The following GALNT6 variants were observed in gnomAD, a reference collection of about 807,000 sequenced individuals.
GALNT6 encodes the protein GalNAc transferase 6.
Under a neutral mutation model 65.9 loss-of-function variants are expected in GALNT6, and 51 were observed. The ratio of observed to expected loss-of-function variants is 0.77; its 90% CI spans 0.62 to 0.98. The LOEUF is 0.98. Ranked by LOEUF, GALNT6 falls within the 50% of genes least tolerant of loss-of-function variation. The pLI is 0.00. For missense variants in GALNT6, 708 were observed against 803.3 expected, an observed-to-expected ratio of 0.88 and a Z score of 1.43; for synonymous variants, 323 against 315.1, an observed-to-expected ratio of 1.02 and a Z score of -0.26.
chr12:51,381,560 C>T (rs1365288449), intron 2 of GALNT6, among the ~76,000 whole-genome samples: 1 of 152,224 alleles, frequency 6.6e-6, no homozygotes, highest in African/African-American at 2.4e-5. Flanking sequence ...TCCTTCCCCA[C>T]AAAATTCATG....
intron 4 of GALNT6, among the ~76,000 whole-genome samples, chr12:51,366,902 T>C (rs58448629): frequency 0.027 from 4,151 of 152,282 alleles, 162 homozygotes; most frequent in East Asian, 0.13. Context: ...CCAAGGCAGA[T>C]GGATCACTTG....
intron 8 of GALNT6, 106 bp downstream of exon 8, chr12:51,359,026 G>A (rs1043077808): frequency 3.5e-5 from 30 of 855,350 alleles, no homozygotes; most frequent in South Asian, 1.8e-4. Flanking sequence ...GAAGGGAGGC[G>A]CCAGATGGTA....
At chr12:51,361,979 G>A (rs1411222662) in intron 6 of GALNT6, among the ~76,000 whole-genome samples, 1 of 152,086 alleles carries the variant, frequency 6.6e-6, no homozygotes, top group African/African-American at 2.4e-5. Flanking sequence ...TGACCCTGGT[G>A]TTACCCTGTG....
intron 10 of GALNT6, among the ~76,000 whole-genome samples, chr12:51,356,399 G>T (rs951669932): frequency 8.5e-6 from 1 of 117,310 alleles, no homozygotes; most frequent in African/African-American, 3.4e-5. Context: ...TTGCTCTGTT[G>T]CTTAAGCTAG....
At chr12:51,385,537 C>T (rs7955523) in intron 2 of GALNT6, among the ~76,000 whole-genome samples, 135,585 of 152,204 alleles carry the variant, frequency 0.89, 60,590 homozygotes, top group African/African-American at 0.93. Context: ...TACCGGGTCT[C>T]GCTATAAAGT....
At chr12:51,363,964 C>G (rs1947007351) in intron 6 of GALNT6, among the ~76,000 whole-genome samples, 157 bp downstream of exon 6, 1 of 152,168 alleles carries the variant, frequency 6.6e-6, no homozygotes. Context: ...CCTTAGTATT[C>G]TTAGTATTGT....
intron 4 of GALNT6, among the ~76,000 whole-genome samples, chr12:51,369,045 G>T (rs1437909079): frequency 1.3e-5 from 2 of 152,232 alleles, no homozygotes; most frequent in South Asian, 2.1e-4. Flanking sequence ...AAGGAGGGAG[G>T]AAGCCCAGGC....
intron 4 of GALNT6, among the ~76,000 whole-genome samples, chr12:51,367,934 C>T (rs1019411069): frequency 6.6e-6 from 1 of 152,070 alleles, no homozygotes; most frequent in Non-Finnish European, 1.5e-5. Flanking sequence ...GTGGCAGAAG[C>T]ACAAAGGGCA....
At chr12:51,379,950 G>A in intron 2 of GALNT6, 66 bp from the exon 3 acceptor site, 1 of 675,068 alleles carries the variant, frequency 1.5e-6, no homozygotes, top group Non-Finnish European at 2.5e-6. Context: ...TCGGGTGCTT[G>A]GGGTTCGAGG....
chr12:51,384,499 C>T (rs1050194777), intron 2 of GALNT6, among the ~76,000 whole-genome samples: 5 of 151,900 alleles, frequency 3.3e-5, no homozygotes, highest in African/African-American at 1.2e-4. Context: ...CAAGACCAAC[C>T]TGGCCAACAT....
Position 51,364,202 on chromosome 12 carries a change from A to C in GALNT6, c.968T>G (p.Phe323Cys), listed in dbSNP as rs761836894. Reference sequence around the variant, plus strand: ...CCAGCCGAAGGTCAGGCTCCAGTCAAAGTTGCCTCGGCTATGGACTCTGCC... The same window carrying C: ...CCAGCCGAAGGTCAGGCTCCAGTCACAGTTGCCTCGGCTATGGACTCTGCC... The part of the protein sequence containing the change: ...QRGRVHSRGN[F>C]DWSLTFGWET... The change falls in exon 6 of 12, where the codon TTT (phenylalanine) becomes TGT (cysteine). Residue 323 changes from phenylalanine (F) to cysteine (C), a missense_variant. Coordinates refer to ENST00000356317, the MANE Select transcript of GALNT6 (RefSeq NM_007210.4). The C allele has an allele frequency of 6.2e-7, 1 of 1,614,162 alleles. No homozygotes were observed. The highest frequency in any genetic ancestry group is 1.7e-5 in the Admixed American group (1 of 60,022).
chr12:51,381,216 G>T (rs1423449871), intron 2 of GALNT6, among the ~76,000 whole-genome samples: 1 of 152,138 alleles, frequency 6.6e-6, no homozygotes, highest in Non-Finnish European at 1.5e-5. Context: ...CTTCAGCATG[G>T]GCGAGAGAGA....
At chr12:51,367,084 A>G (rs1433211581) in intron 4 of GALNT6, among the ~76,000 whole-genome samples, 1 of 152,066 alleles carries the variant, frequency 6.6e-6, no homozygotes, top group Non-Finnish European at 1.5e-5. Context: ...ACCAACATGG[A>G]GAAACCCTGT....
chr12:51,354,221 T>C lies in GALNT6; in HGVS notation c.*158A>G, dbSNP rs936267947. 3.7e-6 allele frequency: 2 copies of C among 537,174 alleles called. No homozygotes were observed. Among genetic ancestry groups the C allele is most frequent in the Admixed American group, 8.5e-5 (2 of 23,624 alleles). The allele number at this position is 537,174 out of a possible 1,614,324, so 33.3% of individuals were successfully genotyped here. On this transcript the variant is annotated 3_prime_UTR_variant, in exon 12 of 12. Coordinates refer to ENST00000356317, the MANE Select transcript of GALNT6 (RefSeq NM_007210.4). ...TGTGAAGGAAAGAAAATGGGCCCAA[T>C]GTTGTTGCAAGGATTAGGAAGGTCC...
chr12:51,365,508 GCTC>G lies in GALNT6; in HGVS notation c.733_735del (p.Glu245del). 1 of 1,612,600 alleles carries G rather than the reference GCTC, an allele frequency of 6.2e-7. No individual in the cohort carries two copies. The highest frequency in any genetic ancestry group is 8.5e-7 in the Non-Finnish European group (1 of 1,179,960). On this transcript the variant is annotated inframe_deletion, in exon 5 of 12. Coordinates refer to ENST00000356317, the MANE Select transcript of GALNT6 (RefSeq NM_007210.4). ...AGCCGGGCGGTGATCAGCCCCTTCC[GCTC>G]CTCCTGCCGCACCACCCTCACCACC...
intron 2 of GALNT6, among the ~76,000 whole-genome samples, chr12:51,388,365 AG>A (rs1273045522): frequency 8.5e-5 from 13 of 152,202 alleles, no homozygotes; most frequent in Admixed American, 3.3e-4. Context: ...AGAAACACAG[AG>A]GGGCTGGCCG....
At chr12:51,378,257 C>T (rs897409106) in intron 3 of GALNT6, among the ~76,000 whole-genome samples, 7 of 152,116 alleles carry the variant, frequency 4.6e-5, no homozygotes, top group Admixed American at 2.6e-4. Flanking sequence ...CAGGTTCAAG[C>T]GATTCTTGTC....
In GALNT6 at chr12:51,358,301, G is replaced by T. The variant is rs978368233; in HGVS notation, c.1369-40C>A. The T allele has an allele frequency of 9.0e-5, 131 of 1,447,522 alleles. No individual in the cohort carries two copies. In the South Asian group the frequency reaches 1.3e-3, roughly 14 times the overall value. 89.7% of individuals were successfully genotyped at this position (1,447,522 alleles called of 1,614,324 possible). Reference sequence around the variant, plus strand: ...AGCCCCCTAAGGATCAGTTCCACCAGTTTTTTTTTTTTTTTTTAAGAGGGA... The same window carrying T: ...AGCCCCCTAAGGATCAGTTCCACCATTTTTTTTTTTTTTTTTTAAGAGGGA... On this transcript the variant is annotated intron_variant, in intron 8 of 11. Transcript: ENST00000356317.
In GALNT6 at chr12:51,351,291, TTAA is replaced by T. The variant is rs1228949906; in HGVS notation, c.*3085_*3087del. The stretch of plus-strand genomic sequence containing the variant: ...TCTTTATACCAACATAGTCATAACA[TTAA>T]TTTTTTTTTGAATGGAGCAAGAGCT... On this transcript the variant is annotated 3_prime_UTR_variant, in exon 12 of 12. Transcript: ENST00000356317. The T allele has an allele frequency of 2.0e-5, 3 of 152,204 alleles. No individual in the cohort carries two copies. Among genetic ancestry groups the T allele is most frequent in the African/African-American group, 7.2e-5 (3 of 41,450 alleles). The allele number at this position is 152,204 out of a possible 1,614,324, so 9.4% of individuals were successfully genotyped here.
Sources: allele counts gnomAD v4.1 joint callset (sites outside exome capture counted in the v4.1 genomes callset), GRCh38; gene constraint gnomAD v4.1.1; transcripts MANE v1.5; gene names NCBI Gene and HGNC (gene_info 2026-07-23, HGNC 2026-07-21).